The following PTPRQ variants were observed in gnomAD, a reference collection of about 807,000 sequenced individuals.
PTPRQ encodes the protein phosphatidylinositol phosphatase PTPRQ.
Under a neutral mutation model 246.0 loss-of-function variants are expected in PTPRQ, and 199 were observed. That is an observed-to-expected ratio of 0.81 (90% CI 0.72 to 0.91). The LOEUF (loss-of-function observed/expected upper bound fraction) is 0.91, where lower values mean the gene tolerates loss of function less well. Among genes scored for constraint, PTPRQ ranks in the 40% least tolerant of loss-of-function variants. The pLI is 0.00. For synonymous variants in PTPRQ, 869 were observed against 853.2 expected (o/e 1.02, Z -0.32); for missense variants, 2,624 against 2,528.4 (o/e 1.04, Z -0.81).
chr12:80,546,798 T>A (rs1382865151), intron 24 of PTPRQ, 101 bp downstream of exon 24: 1 of 1,381,432 alleles, frequency 7.2e-7, no homozygotes, highest in Non-Finnish European at 9.7e-7. Flanking sequence ...CTTAAGAGTC[T>A]ACTCAAAGGG....
intron 33 of PTPRQ, among the ~76,000 whole-genome samples, chr12:80,625,201 G>A (rs960394134): frequency 2.6e-5 from 4 of 152,336 alleles, no homozygotes; most frequent in Non-Finnish European, 5.9e-5. Context: ...GTCATCAGAA[G>A]ATGACAAAGG....
At position 80,549,459 on chromosome 12, in the gene PTPRQ, C is replaced by T. The variant is rs1159856013; in HGVS notation, c.4016-6C>T. On this transcript the variant is annotated splice_region_variant and splice_polypyrimidine_tract_variant and intron_variant, in intron 24 of 44. Coordinates refer to ENST00000644991, the MANE Select transcript of PTPRQ (RefSeq NM_001145026.2). ...TTTAACTTTGGGCATATGTTTATCT[C>T]TTAAGTTCCAGATGTCGTGCAGAAT... 6.5e-7 allele frequency: 1 copy of T among 1,539,452 alleles called. No individual in the cohort carries two copies. Among genetic ancestry groups the T allele is most frequent in the South Asian group, 1.2e-5 (1 of 82,166 alleles).
At chr12:80,663,702 G>A (rs2121265844) in intron 39 of PTPRQ, among the ~76,000 whole-genome samples, 1 of 151,738 alleles carries the variant, frequency 6.6e-6, no homozygotes. Flanking sequence ...ATCACTTTCT[G>A]GACCTCTTCT....
chr12:80,478,809 G>A (rs1482614078), intron 8 of PTPRQ, among the ~76,000 whole-genome samples: 1 of 152,188 alleles, frequency 6.6e-6, no homozygotes, highest in Non-Finnish European at 1.5e-5. Flanking sequence ...AACGAAGCGA[G>A]AAGGGAAGTT....
chr12:80,468,043 G>T (rs1205890631), intron 6 of PTPRQ, among the ~76,000 whole-genome samples: 1 of 148,530 alleles, frequency 6.7e-6, no homozygotes, highest in African/African-American at 2.6e-5. Context: ...TTTCATAAGG[G>T]TCATACAAGG....
intron 8 of PTPRQ, among the ~76,000 whole-genome samples, chr12:80,480,730 A>T (rs1048977796): frequency 6.6e-6 from 1 of 152,222 alleles, no homozygotes; most frequent in Admixed American, 6.5e-5. Context: ...CTACCATCAG[A>T]GAATACTACA....
chr12:80,478,331 A>G (rs1222258269), intron 8 of PTPRQ, among the ~76,000 whole-genome samples: 1 of 152,004 alleles, frequency 6.6e-6, no homozygotes, highest in East Asian at 1.9e-4. Flanking sequence ...TGTCTGTTAG[A>G]AGGAAAACTA....
At chr12:80,648,571 A>T (rs745360082) in intron 35 of PTPRQ, among the ~76,000 whole-genome samples, 4 of 152,068 alleles carry the variant, frequency 2.6e-5, no homozygotes, top group Non-Finnish European at 4.4e-5. Context: ...TAGACCACTA[A>T]ATACCATGCA....
At chr12:80,544,061 C>T (rs908202184) in intron 23 of PTPRQ, among the ~76,000 whole-genome samples, 1 of 152,060 alleles carries the variant, frequency 6.6e-6, no homozygotes, top group Non-Finnish European at 1.5e-5. Flanking sequence ...CTTGTCTCCT[C>T]AGAATGGTGA....
chr12:80,463,017 G>C (rs12300440), intron 6 of PTPRQ, among the ~76,000 whole-genome samples: 14,650 of 152,082 alleles, frequency 0.096, 1,502 homozygotes, highest in African/African-American at 0.25. Flanking sequence ...GCTGGACAGA[G>C]AATGACTTTC....
intron 35 of PTPRQ, among the ~76,000 whole-genome samples, chr12:80,636,538 C>T (rs958233456): frequency 1.3e-5 from 2 of 152,176 alleles, no homozygotes; most frequent in South Asian, 2.1e-4. Context: ...TTTTGCCCCT[C>T]CTCAGGCCTG....
chr12:80,506,752 A>C, intron 16 of PTPRQ, 82 bp downstream of exon 16: 1 of 1,259,514 alleles, frequency 7.9e-7, no homozygotes, highest in South Asian at 1.5e-5. Context: ...CAATGTAAAA[A>C]CTCCTCTAGT....
intron 25 of PTPRQ, among the ~76,000 whole-genome samples, chr12:80,569,586 A>C (rs1473888431): frequency 6.6e-6 from 1 of 152,026 alleles, no homozygotes. Context: ...AAAACAAAAA[A>C]AATTTGATTT....
rs186266968 is a variant in PTPRQ, at chr12:80,672,439, G to A, written c.6603-730G>A. ...AGAACTACAAAAATGGCAGTTTCAT[G>A]TGGTTCAAAGTAATATTTATAAGAC... is the stretch of plus-strand genomic sequence containing the variant. On this transcript the variant is annotated intron_variant, in intron 42 of 44. Transcript: ENST00000644991. Among the ~76,000 whole-genome samples, 3 of 151,866 alleles carry A rather than the reference G, an allele frequency of 2.0e-5. No homozygotes were observed. The East Asian group carries it at 5.9e-4, about 30-fold the overall frequency.
At chr12:80,471,473 C>CCTTTTT (rs1364723133) in intron 7 of PTPRQ, among the ~76,000 whole-genome samples, 1 of 37,992 alleles carries the variant, frequency 2.6e-5, no homozygotes, top group Non-Finnish European at 5.4e-5. Flanking sequence ...AATTATTTAG[C>CCTTTTT]ATTTTTTTTT....
rs1036716597 is a variant in PTPRQ, at chr12:80,492,937, G to T, written c.1360-338G>T. ...TATGCCTAGAACACTTACCATTTGG[G>T]GGTGATCAGTTACAATATCTCAGTC... On this transcript the variant is annotated intron_variant, in intron 9 of 44. Transcript: ENST00000644991. Among the ~76,000 whole-genome samples the T allele has an allele frequency of 7.9e-5, 12 of 151,782 alleles. 1 individual carries two copies. Among genetic ancestry groups the T allele is most frequent in the Admixed American group, 7.2e-4 (11 of 15,180 alleles).
chr12:80,554,387 TAAAAC>T (rs569982441), intron 25 of PTPRQ, among the ~76,000 whole-genome samples: 3 of 152,308 alleles, frequency 2.0e-5, no homozygotes, highest in African/African-American at 7.2e-5. Context: ...TAAAACCAGT[TAAAAC>T]AAAGCTAATA....
chr12:80,497,224 TG>T (rs1291975018), intron 14 of PTPRQ, among the ~76,000 whole-genome samples: 1 of 151,870 alleles, frequency 6.6e-6, no homozygotes, highest in East Asian at 1.9e-4. Flanking sequence ...GCAGAATCAA[TG>T]GGAGCCCTGA....
intron 17 of PTPRQ, among the ~76,000 whole-genome samples, chr12:80,527,289 A>T (rs573590342): frequency 1.7e-4 from 26 of 152,242 alleles, no homozygotes; most frequent in Admixed American, 1.5e-3. Flanking sequence ...CCTTGTATTC[A>T]TCTGAACACA....
Sources: allele counts gnomAD v4.1 joint callset (sites outside exome capture counted in the v4.1 genomes callset), GRCh38; gene constraint gnomAD v4.1.1; transcripts MANE v1.5; gene names NCBI Gene and HGNC (gene_info 2026-07-23, HGNC 2026-07-21).